The following DNAJC16 variants were observed in gnomAD, a reference collection of about 807,000 sequenced individuals.
DNAJC16 encodes the protein DnaJ heat shock protein family (Hsp40) member C16.
Under a neutral mutation model 92.7 loss-of-function variants are expected in DNAJC16, and 76 were observed. The observed-to-expected ratio is 0.82, with a 90% CI of 0.68 to 0.99. DNAJC16 has a LOEUF of 0.99. Among genes scored for constraint, DNAJC16 ranks in the 50% least tolerant of loss-of-function variants. The pLI is 0.00. For missense variants in DNAJC16, 869 were observed against 942.4 expected (o/e 0.92, Z 1.02); for synonymous variants, 328 against 358.7 (o/e 0.91, Z 0.97).
At chr1:15,542,969 G>A (rs1710967598) in intron 4 of DNAJC16, among the ~76,000 whole-genome samples, 1 of 152,198 alleles carries the variant, frequency 6.6e-6, no homozygotes, top group Admixed American at 6.5e-5. Context: ...TGTTGAGTGT[G>A]AGTAGGAAAA....
rs747276839 is a variant in DNAJC16 at position 15,548,400 on chromosome 1, A to G, written c.995A>G (p.His332Arg). Residue 332 changes from histidine to arginine, a missense_variant, in exon 7 of 15, where the codon CAT becomes CGT. His to Arg is a conservative substitution (Grantham distance 29). Transcript: ENST00000375847. The stretch of plus-strand genomic sequence containing the variant: ...CCTACCCTCTTGGTCTTTAAAGAAC[A>G]TATAAACAGGCCTGCCGATGTTATC... ...YAPTLLVFKE[H>R]INRPADVIQA... The G allele has an allele frequency of 6.8e-6, 11 of 1,613,766 alleles. No homozygotes were observed. The East Asian group carries it at 2.5e-4, about 36-fold the overall frequency.
In DNAJC16 at chr1:15,566,148, A is replaced by G. The variant is rs2103428893; in HGVS notation, c.1746A>G (p.Lys582=). The part of the protein sequence containing the change: ...EKEEAQEKTG[K]TEPSFTKENS... ...AGGAAGCCCAAGAGAAGACTGGGAA[A>G]ACTGAGCCAAGCTTCACCAAAGAAA... The change falls in exon 13 of 15, where the codon AAA becomes AAG. Residue 582 remains lysine (K), a synonymous_variant. Coordinates refer to ENST00000375847, the MANE Select transcript of DNAJC16 (RefSeq NM_015291.4). 6.2e-7 allele frequency: 1 copy of G among 1,614,080 alleles called. No homozygotes were observed. Among genetic ancestry groups the G allele is most frequent in the Non-Finnish European group, 8.5e-7 (1 of 1,180,016 alleles).
intron 3 of DNAJC16, among the ~76,000 whole-genome samples, chr1:15,535,896 C>G (rs1010636820): frequency 2.4e-4 from 37 of 151,440 alleles, no homozygotes; most frequent in African/African-American, 8.9e-4. Flanking sequence ...TCCCAAGTAG[C>G]TAGGACTATA....
chr1:15,564,135 T>C, intron 10 of DNAJC16, 24 bp downstream of exon 10: 2 of 1,612,138 alleles, frequency 1.2e-6, no homozygotes, highest in Non-Finnish European at 1.7e-6. Flanking sequence ...CTGGGAAGGG[T>C]GGGACACCAG....
chr1:15,561,940 G>A (rs1179574965), intron 8 of DNAJC16, among the ~76,000 whole-genome samples: 3 of 152,038 alleles, frequency 2.0e-5, no homozygotes, highest in Non-Finnish European at 4.4e-5. Context: ...TTTGGTTTGG[G>A]AAAAACATCA....
rs545223698 is a variant in DNAJC16, at chr1:15,556,935, CATTAG to C, written c.1024-2586_1024-2582del. Among the ~76,000 whole-genome samples the C allele has an allele frequency of 1.7e-4, 26 of 152,292 alleles. 2 individuals carry two copies. Among genetic ancestry groups the C allele is most frequent in the Admixed American group, 1.7e-3 (26 of 15,292 alleles). The stretch of plus-strand genomic sequence containing the variant: ...TTTTATCAAATACTTTTTCTACATC[CATTAG>C]ATTATTCTGATTTTTCTTCTTTAAT... On this transcript the variant is annotated intron_variant, in intron 7 of 14. Coordinates refer to ENST00000375847, the MANE Select transcript of DNAJC16 (RefSeq NM_015291.4).
In DNAJC16 at chr1:15,566,170, G is replaced by A. The variant is rs1398067408; in HGVS notation, c.1768G>A (p.Glu590Lys). 6.2e-7 allele frequency: 1 copy of A among 1,613,602 alleles called. No homozygotes were observed. The highest frequency in any genetic ancestry group is 8.5e-7 in the Non-Finnish European group (1 of 1,179,934). ...TGKTEPSFTK[E>K]NSSKIPKKGF... ...GAAAACTGAGCCAAGCTTCACCAAA[G>A]AAAACAGCAGGTTTCTCTAACAAAA... The change falls in exon 13 of 15, where the codon GAA (glutamate) becomes AAA (lysine). Residue 590 changes from glutamate (E) to lysine (K), a missense_variant. By Grantham distance (56) the Glu-to-Lys change is moderately conservative (BLOSUM62 1). Transcript: ENST00000375847.
At chr1:15,563,780 G>A in intron 9 of DNAJC16, 149 bp from the exon 10 acceptor site, 3 of 688,910 alleles carry the variant, frequency 4.4e-6, no homozygotes, top group Non-Finnish European at 6.9e-6. Context: ...AACCCGGGAG[G>A]CGGAGCTTGC....
intron 7 of DNAJC16, among the ~76,000 whole-genome samples, chr1:15,551,013 G>C (rs1464281776): frequency 6.6e-6 from 1 of 152,140 alleles, no homozygotes; most frequent in Non-Finnish European, 1.5e-5. Context: ...GGGATTACAG[G>C]CACCTGCCAC....
chr1:15,540,455 T>G (rs558418345), intron 4 of DNAJC16, among the ~76,000 whole-genome samples: 305 of 152,184 alleles, frequency 2.0e-3, no homozygotes, highest in African/African-American at 7.0e-3. Flanking sequence ...CCCAGCTAAC[T>G]TTTTTTTAGA....
At chr1:15,544,214 A>G (rs1638229255) in intron 4 of DNAJC16, among the ~76,000 whole-genome samples, 185 bp from the exon 5 acceptor site, 1 of 148,188 alleles carries the variant, frequency 6.7e-6, no homozygotes, top group African/African-American at 2.5e-5. Flanking sequence ...ATATTGCCAG[A>G]TTGCTCTACA....
intron 9 of DNAJC16, among the ~76,000 whole-genome samples, chr1:15,562,950 G>C (rs1467577813): frequency 6.7e-6 from 1 of 148,972 alleles, no homozygotes; most frequent in Non-Finnish European, 1.5e-5. Context: ...CTAGATCCTA[G>C]ATTTTACAAA....
intron 4 of DNAJC16, among the ~76,000 whole-genome samples, chr1:15,543,715 T>C (rs924979713): frequency 6.6e-6 from 1 of 152,170 alleles, no homozygotes; most frequent in Non-Finnish European, 1.5e-5. Context: ...TAATGATGAC[T>C]CAGAGCAGGG....
In DNAJC16 at chr1:15,568,774, C is replaced by T; in HGVS notation, c.*597C>T. 2.5e-6 allele frequency: 1 copy of T among 398,570 alleles called. No individual in the cohort carries two copies. Among genetic ancestry groups the T allele is most frequent in the Non-Finnish European group, 4.4e-6 (1 of 226,134 alleles). 24.7% of individuals were successfully genotyped at this position (398,570 alleles called of 1,614,324 possible). A position where few individuals can be genotyped will look rare whatever the true frequency, so the allele number is the denominator to read the frequency against. On this transcript the variant is annotated 3_prime_UTR_variant, in exon 15 of 15. Coordinates refer to ENST00000375847, the MANE Select transcript of DNAJC16 (RefSeq NM_015291.4). ...TCCCCCAACAACAGTTTGTTGGCCA[C>T]AGGTTGAAAAGGAAAGGAATAAACG...
chr1:15,562,092 G>C (rs1275151729), intron 8 of DNAJC16, 50 bp from the exon 9 acceptor site: 1 of 1,573,146 alleles, frequency 6.4e-7, no homozygotes, highest in East Asian at 2.3e-5. Context: ...TATAGGTGCT[G>C]GCCCTGCCAT....
intron 8 of DNAJC16, among the ~76,000 whole-genome samples, chr1:15,561,048 C>T (rs1170191927): frequency 6.6e-6 from 1 of 152,054 alleles, no homozygotes; most frequent in Non-Finnish European, 1.5e-5. Flanking sequence ...CTTCCCTGAC[C>T]AACCTGTCTG....
intron 8 of DNAJC16, among the ~76,000 whole-genome samples, chr1:15,561,665 G>A (rs1638694505): frequency 6.6e-6 from 1 of 151,830 alleles, no homozygotes; most frequent in Non-Finnish European, 1.5e-5. Context: ...CAGCCTGGGC[G>A]ACAGAGCAAG....
intron 7 of DNAJC16, among the ~76,000 whole-genome samples, chr1:15,558,631 C>T (rs1053273749): frequency 3.9e-5 from 6 of 152,026 alleles, no homozygotes; most frequent in Admixed American, 3.3e-4. Flanking sequence ...CATACCTGGC[C>T]GTGTTTCTTA....
At chr1:15,541,363 A>G (rs1251474166) in intron 4 of DNAJC16, among the ~76,000 whole-genome samples, 1 of 152,184 alleles carries the variant, frequency 6.6e-6, no homozygotes. Flanking sequence ...GTGATATAGT[A>G]TACTGTACTT....
Sources: gnomAD v4.1 joint callset for allele counts (sites outside exome capture counted in the v4.1 genomes callset) on GRCh38, gnomAD v4.1.1 for gene constraint, MANE v1.5 for transcripts, NCBI Gene and HGNC (gene_info 2026-07-23, HGNC 2026-07-21) for gene names.